AGO2: variants seen among roughly 807,000 people sequenced by gnomAD.
The protein encoded by AGO2 is argonaute RISC catalytic component 2.
Under a neutral mutation model 102.3 loss-of-function variants are expected in AGO2, and 5 were observed. The ratio of observed to expected loss-of-function variants is 0.05; its 90% CI spans 0.03 to 0.10. AGO2 has a LOEUF of 0.10. Ranked by LOEUF, AGO2 falls within the 10% of genes least tolerant of loss-of-function variation. AGO2 has a pLI of 1.00. For synonymous variants in AGO2, 449 were observed against 473.1 expected (o/e 0.95, Z 0.66); for missense variants, 541 against 1,183.7 (o/e 0.46, Z 7.97).
At chr8:140,598,595 T>C (rs2073883833) in intron 1 of AGO2, among the ~76,000 whole-genome samples, 1 of 152,114 alleles carries the variant, frequency 6.6e-6, no homozygotes. Flanking sequence ...CAGCTCTTCC[T>C]CCCGCTTGCC....
At chr8:140,610,769 C>A (rs186344629) in intron 1 of AGO2, among the ~76,000 whole-genome samples, 1 of 152,094 alleles carries the variant, frequency 6.6e-6, no homozygotes, top group Admixed American at 6.5e-5. Flanking sequence ...CCATGGCCAA[C>A]CCCCCCATAT....
chr8:140,546,337 G>A (rs374804349), intron 13 of AGO2, among the ~76,000 whole-genome samples: 10 of 152,176 alleles, frequency 6.6e-5, no homozygotes, highest in Non-Finnish European at 1.2e-4. Context: ...TGGCAGCATC[G>A]GCACTGTGTC....
At chr8:140,572,780 T>C (rs2073401246) in intron 3 of AGO2, 32 bp downstream of exon 3, 5 of 1,602,512 alleles carry the variant, frequency 3.1e-6, no homozygotes, top group Non-Finnish European at 3.4e-6. Flanking sequence ...TCACCGTATG[T>C]TACTCCACCA....
At chr8:140,597,179 G>A (rs988886934) in intron 1 of AGO2, among the ~76,000 whole-genome samples, 6 of 152,326 alleles carry the variant, frequency 3.9e-5, no homozygotes, top group African/African-American at 1.4e-4. Flanking sequence ...CCCAGCTCTG[G>A]CAGGGACGTT....
intron 16 of AGO2, among the ~76,000 whole-genome samples, chr8:140,538,967 G>A (rs530683200): frequency 8.5e-5 from 13 of 152,262 alleles, no homozygotes; most frequent in South Asian, 8.3e-4. Context: ...AACCAGGTGT[G>A]GTGGTGCATG....
chr8:140,594,263 A>G (rs2073789280), intron 1 of AGO2, among the ~76,000 whole-genome samples: 2 of 152,226 alleles, frequency 1.3e-5, no homozygotes, highest in South Asian at 2.1e-4. Context: ...AATTTTCTGA[A>G]TATTTGAAGG....
At position 140,557,597 on chromosome 8, in the gene AGO2, G is replaced by A. The variant is rs762262856; in HGVS notation, c.879-361C>T. Among the ~76,000 whole-genome samples the A allele has an allele frequency of 6.6e-6, 1 of 152,168 alleles. No homozygotes were observed. Among genetic ancestry groups the A allele is most frequent in the Admixed American group, 6.5e-5 (1 of 15,280 alleles). On this transcript the variant is annotated intron_variant, in intron 7 of 18. Transcript: ENST00000220592. This position sits in a 1 kb window ranked among gnomAD's most constrained non-coding sequence, Gnocchi z 5.9. The stretch of plus-strand genomic sequence containing the variant: ...AGCCTTTTACGTGCCGCGCGCTCCC[G>A]GTGCCCAGAAGGCCTGAAGCCCCCA...
Position 140,528,040 on chromosome 8 carries a change from C to A in AGO2, c.*4004G>T, listed in dbSNP as rs946033523. The A allele has an allele frequency of 1.3e-5, 2 of 152,194 alleles. No individual in the cohort carries two copies. Among genetic ancestry groups the A allele is most frequent in the African/African-American group, 4.8e-5 (2 of 41,440 alleles). The allele number at this position is 152,194 out of a possible 1,614,324, so 9.4% of individuals were successfully genotyped here. On this transcript the variant is annotated 3_prime_UTR_variant, in exon 19 of 19. Transcript: ENST00000220592. This position sits in a 1 kb window ranked among gnomAD's most constrained non-coding sequence, Gnocchi z 4.5. Reference sequence around the variant, plus strand: ...CTGACGTGTGGCCGGTCTATCCTAGCGTATTGTATCAAATATATAATTTGA... The same window carrying A: ...CTGACGTGTGGCCGGTCTATCCTAGAGTATTGTATCAAATATATAATTTGA...
intron 5 of AGO2, 56 bp downstream of exon 5, chr8:140,560,318 C>A: frequency 1.9e-6 from 3 of 1,580,918 alleles, no homozygotes; most frequent in Non-Finnish European, 2.6e-6. Flanking sequence ...GGGGTCCTGA[C>A]CCCCCAGCCC....
chr8:140,624,730 T>C (rs1284044352), intron 1 of AGO2, among the ~76,000 whole-genome samples: 4 of 152,226 alleles, frequency 2.6e-5, no homozygotes, highest in Non-Finnish European at 4.4e-5. Context: ...CCGGACACTA[T>C]GCGGGGCATA....
chr8:140,570,886 C>T (rs1221948315), intron 3 of AGO2, among the ~76,000 whole-genome samples: 1 of 152,148 alleles, frequency 6.6e-6, no homozygotes, highest in Non-Finnish European at 1.5e-5. Flanking sequence ...ATATAGACGC[C>T]CTCAGCCCCT....
chr8:140,593,565 A>C (rs1011813459), intron 1 of AGO2, among the ~76,000 whole-genome samples: 141 of 152,132 alleles, frequency 9.3e-4, no homozygotes, highest in East Asian at 2.5e-3. Context: ...AAAAAAAAAA[A>C]AAAAAACTTT....
intron 11 of AGO2, among the ~76,000 whole-genome samples, chr8:140,550,441 C>T (rs532629347): frequency 6.6e-6 from 1 of 152,192 alleles, no homozygotes; most frequent in African/African-American, 2.4e-5. Context: ...CTGGCCGAGG[C>T]GAGCATCCTG....
At chr8:140,595,890 TATATATATTATGTATTATATA>T (rs1185810994) in intron 1 of AGO2, among the ~76,000 whole-genome samples, 11 of 121,344 alleles carry the variant, frequency 9.1e-5, no homozygotes, top group Non-Finnish European at 1.6e-4. Flanking sequence ...AATATATAAT[TATATATATTATGTATTATATA>T]ATATATATTA....
At chr8:140,624,301 A>T (rs1379575625) in intron 1 of AGO2, among the ~76,000 whole-genome samples, 1 of 152,036 alleles carries the variant, frequency 6.6e-6, no homozygotes, top group East Asian at 1.9e-4. Flanking sequence ...CAAACAGCCA[A>T]GCAGGGCGAG....
intron 2 of AGO2, 21 bp from the exon 3 acceptor site, chr8:140,572,953 G>C: frequency 1.3e-6 from 2 of 1,586,916 alleles, no homozygotes; most frequent in Non-Finnish European, 1.7e-6. Flanking sequence ...GACAAAAGTC[G>C]GGCAAAATGT....
chr8:140,553,416 T>G (rs1360508571), intron 10 of AGO2, among the ~76,000 whole-genome samples: 3 of 150,624 alleles, frequency 2.0e-5, no homozygotes, highest in East Asian at 1.9e-4. Context: ...TTTTTGTTTT[T>G]TTTTTTTTTT....
rs1339661162 is a variant in AGO2 at position 140,608,644 on chromosome 8, G to C, written c.23-23333C>G. Among the ~76,000 whole-genome samples the C allele has an allele frequency of 3.3e-5, 5 of 152,198 alleles. No individual in the cohort carries two copies. In the East Asian group the frequency reaches 7.7e-4, roughly 23 times the overall value. ...CCGCATGCCACCTGGGCGGGCACCA[G>C]CCAGGACAATCCACGGGGAAGTGCC... is the stretch of plus-strand genomic sequence containing the variant. On this transcript the variant is annotated intron_variant, in intron 1 of 18. Transcript: ENST00000220592.
chr8:140,550,968 A>T (rs984615365), intron 11 of AGO2, among the ~76,000 whole-genome samples: 8 of 152,188 alleles, frequency 5.3e-5, no homozygotes, highest in Non-Finnish European at 1.0e-4. Flanking sequence ...ATTATTTTTT[A>T]AAATAACTGT....
Sources: gnomAD v4.1 joint callset for allele counts (sites outside exome capture counted in the v4.1 genomes callset) on GRCh38, gnomAD v4.1.1 for gene constraint, Gnocchi (gnomAD v3.1) non-coding constraint, MANE v1.5 for transcripts, NCBI Gene and HGNC (gene_info 2026-07-23, HGNC 2026-07-21) for gene names.